CPNE9: variants seen among roughly 807,000 people sequenced by gnomAD.
CPNE9 encodes copine-9.
A neutral mutation model predicts 83.0 loss-of-function variants in CPNE9; 59 were observed. The ratio of observed to expected loss-of-function variants is 0.71; its 90% CI spans 0.58 to 0.88. The LOEUF (loss-of-function observed/expected upper bound fraction) is 0.88, where lower values mean the gene tolerates loss of function less well. CPNE9 is among the 40% of genes least tolerant of loss of function. The probability of loss-of-function intolerance (pLI) is 0.00; values close to 1 mark genes in which losing one functional copy is unlikely to be tolerated. For synonymous variants in CPNE9, 256 were observed against 273.4 expected (o/e 0.94, Z 0.63); for missense variants, 619 against 720.8 (o/e 0.86, Z 1.62).
At chr3:9,723,824 G>C (rs1239572260) in intron 17 of CPNE9, among the ~76,000 whole-genome samples, 1 of 152,124 alleles carries the variant, frequency 6.6e-6, no homozygotes, top group Non-Finnish European at 1.5e-5. Flanking sequence ...GATTACAGGC[G>C]TGAGCCACCC....
chr3:9,718,369 G>A (rs1285693286), intron 16 of CPNE9, 106 bp from the exon 17 acceptor site: 1 of 1,483,000 alleles, frequency 6.7e-7, no homozygotes, highest in Non-Finnish European at 9.2e-7. Context: ...GGTTTGGAGG[G>A]GAGCATGAAA....
intron 4 of CPNE9, 25 bp from the exon 5 acceptor site, chr3:9,705,417 TCTCCCCCACCCAGCCCCACCCC>T: frequency 1.8e-6 from 1 of 570,216 alleles, no homozygotes; most frequent in Non-Finnish European, 3.3e-6. Flanking sequence ...CTTTCCACCC[TCTCCCCCACCCAGCCCCACCCC>T]ACACCGGTTC....
At chr3:9,724,186 G>A (rs545695075) in intron 17 of CPNE9, among the ~76,000 whole-genome samples, 1 of 138,586 alleles carries the variant, frequency 7.2e-6, no homozygotes, top group East Asian at 2.3e-4. Context: ...CCCTCTCTAG[G>A]TCTTTTTTTT....
In CPNE9 at chr3:9,710,184, T is replaced by C. The variant is rs138687720; in HGVS notation, c.378-2357T>C. Among the ~76,000 whole-genome samples, 7 of 152,040 alleles carry C rather than the reference T, an allele frequency of 4.6e-5. No homozygotes were observed. In the East Asian group the frequency reaches 1.4e-3, roughly 29 times the overall value. On this transcript the variant is annotated intron_variant, in intron 7 of 20. Coordinates refer to ENST00000383832, the MANE Select transcript of CPNE9 (RefSeq NM_153635.3). ...GGGAAAATTATACTACATTTACATA[T>C]TGATGGGAATGACCAAGTAGAAACT...
Position 9,704,642 on chromosome 3 carries a change from G to A in CPNE9, c.109+15G>A. 6.2e-7 allele frequency: 1 copy of A among 1,613,886 alleles called. No homozygotes were observed. The highest frequency in any genetic ancestry group is 1.1e-5 in the South Asian group (1 of 91,080). On this transcript the variant is annotated intron_variant, in intron 2 of 20. Coordinates refer to ENST00000383832, the MANE Select transcript of CPNE9 (RefSeq NM_153635.3). This position sits in a 1 kb window ranked among gnomAD's most constrained non-coding sequence, Gnocchi z 7.1. Reference sequence around the variant, plus strand: ...GTCCGACCCCAGTAGGCGGCTCCAGGACCGGGAGGGGGAACTTGGGGTCTG... The same window carrying A: ...GTCCGACCCCAGTAGGCGGCTCCAGAACCGGGAGGGGGAACTTGGGGTCTG...
At chr3:9,709,277 A>G (rs1357282450) in intron 7 of CPNE9, among the ~76,000 whole-genome samples, 2 of 144,812 alleles carry the variant, frequency 1.4e-5, no homozygotes, top group Non-Finnish European at 3.0e-5. Flanking sequence ...CTCCATCTCA[A>G]AAAAAAAAAA....
intron 17 of CPNE9, 66 bp from the exon 18 acceptor site, chr3:9,725,883 T>TG: frequency 8.2e-7 from 1 of 1,226,726 alleles, no homozygotes; most frequent in Middle Eastern, 2.0e-4. Context: ...GTGGAAGCTC[T>TG]GGGGGTAAGG....
chr3:9,727,078 A>G (rs56102054), intron 19 of CPNE9, 35 bp from the exon 20 acceptor site: 26,041 of 1,612,508 alleles, frequency 0.016, 260 homozygotes, highest in Non-Finnish European at 0.019. Context: ...GGGGCTGGAG[A>G]GGCCAATCAG....
At chr3:9,717,601 C>T (rs944913851) in intron 15 of CPNE9, among the ~76,000 whole-genome samples, 4 of 151,866 alleles carry the variant, frequency 2.6e-5, no homozygotes, top group Admixed American at 6.6e-5. Flanking sequence ...GCTGGCTAGC[C>T]GGATGGATAA....
chr3:9,715,418 A>G (rs1042393601), intron 12 of CPNE9, 54 bp downstream of exon 12: 3 of 1,611,768 alleles, frequency 1.9e-6, no homozygotes, highest in Non-Finnish European at 2.5e-6. Context: ...CAGTGTGCTC[A>G]GTCTGGACCT....
At chr3:9,728,266 C>T (rs1228694848) in intron 20 of CPNE9, among the ~76,000 whole-genome samples, 1 of 152,148 alleles carries the variant, frequency 6.6e-6, no homozygotes, top group Non-Finnish European at 1.5e-5. Context: ...GGCAGGAGGG[C>T]CTCTTGAGAC....
At chr3:9,717,888 A>T (rs1053845573) in intron 15 of CPNE9, 141 bp from the exon 16 acceptor site, 2 of 658,476 alleles carry the variant, frequency 3.0e-6, no homozygotes, top group Non-Finnish European at 5.0e-6. Context: ...GAACAAATGG[A>T]TGATTGGGTA....
intron 16 of CPNE9, 64 bp from the exon 17 acceptor site, chr3:9,718,411 G>C (rs1416491915): frequency 1.3e-6 from 2 of 1,561,100 alleles, no homozygotes; most frequent in African/African-American, 2.7e-5. Flanking sequence ...GAGTGAGCTG[G>C]AATCAGAGCA....
intron 17 of CPNE9, among the ~76,000 whole-genome samples, chr3:9,724,425 A>G (rs2076759377): frequency 6.6e-6 from 1 of 152,126 alleles, no homozygotes; most frequent in Non-Finnish European, 1.5e-5. Flanking sequence ...GGGAGAAGGA[A>G]GCAAGGAAGC....
At position 9,729,059 on chromosome 3, in the gene CPNE9, C is replaced by G. The variant is rs774855637; in HGVS notation, c.1477-448C>G. ...GAGAGAAGGGACCAGGTTTAGAGAGCAGATAGACCCAGAGGAATGGTGGTG... is the reference window on the plus strand; with the variant it reads ...GAGAGAAGGGACCAGGTTTAGAGAGGAGATAGACCCAGAGGAATGGTGGTG... On this transcript the variant is annotated intron_variant, in intron 20 of 20. Transcript: ENST00000383832. Among the ~76,000 whole-genome samples the G allele has an allele frequency of 5.1e-4, 77 of 152,124 alleles. 1 individual carries two copies. The highest frequency in any genetic ancestry group is 2.4e-5 in the African/African-American group (1 of 41,390).
intron 20 of CPNE9, among the ~76,000 whole-genome samples, chr3:9,727,649 C>T (rs1051223215): frequency 2.6e-5 from 4 of 152,004 alleles, no homozygotes; most frequent in South Asian, 2.1e-4. Context: ...GCCCGATCCA[C>T]GAAAAAGCAG....
At chr3:9,725,586 GTA>G (rs573908293) in intron 17 of CPNE9, among the ~76,000 whole-genome samples, 1 of 148,294 alleles carries the variant, frequency 6.7e-6, no homozygotes, top group African/African-American at 2.5e-5. Flanking sequence ...ATATATATGT[GTA>G]TATATATGTG....
At chr3:9,728,658 T>C (rs925482490) in intron 20 of CPNE9, among the ~76,000 whole-genome samples, 9 of 152,126 alleles carry the variant, frequency 5.9e-5, no homozygotes, top group African/African-American at 2.2e-4. Flanking sequence ...AAATAAAACA[T>C]AATTTTTTGA....
Position 9,708,788 on chromosome 3 carries a change from A to G in CPNE9, c.377+2725A>G, listed in dbSNP as rs544249595. Among the ~76,000 whole-genome samples the G allele has an allele frequency of 4.1e-4, 62 of 151,904 alleles. 1 individual carries two copies. The South Asian group carries it at 0.013, about 32-fold the overall frequency. On this transcript the variant is annotated intron_variant, in intron 7 of 20. Coordinates refer to ENST00000383832, the MANE Select transcript of CPNE9 (RefSeq NM_153635.3). ...GCTGGGACTACAGGCACCCGCCACC[A>G]TGCCCGGCTAATTTTTTTTGTATTT...
Sources: allele counts gnomAD v4.1 joint callset (sites outside exome capture counted in the v4.1 genomes callset), GRCh38; gene constraint gnomAD v4.1.1; non-coding constraint Gnocchi (gnomAD v3.1); transcripts MANE v1.5; gene names NCBI Gene and HGNC (gene_info 2026-07-23, HGNC 2026-07-21).